Variants in GPR158 observed in about 807,000 individuals in gnomAD.
GPR158 encodes metabotropic glycine receptor.
A neutral mutation model predicts 78.2 loss-of-function variants in GPR158; 30 were observed. That is an observed-to-expected ratio of 0.38 (90% CI 0.29 to 0.52). The LOEUF is 0.52. GPR158 is among the 20% of genes least tolerant of loss of function. GPR158 has a pLI of 0.83. For synonymous variants in GPR158, 581 were observed against 591.1 expected, an observed-to-expected ratio of 0.98 and a Z score of 0.25; for missense variants, 1,463 against 1,523.5, an observed-to-expected ratio of 0.96 and a Z score of 0.66.
chr10:25,430,825 C>T (rs1834892098), intron 4 of GPR158, among the ~76,000 whole-genome samples: 1 of 151,516 alleles, frequency 6.6e-6, no homozygotes, highest in Middle Eastern at 3.4e-3. Flanking sequence ...AAAGCTGAAA[C>T]TGGATCCCTT....
At chr10:25,421,776 C>G (rs1275889520) in intron 4 of GPR158, among the ~76,000 whole-genome samples, 3 of 151,860 alleles carry the variant, frequency 2.0e-5, no homozygotes, top group African/African-American at 7.3e-5. Context: ...AAATTTGGTG[C>G]TTTTATTTTT....
At chr10:25,563,371 A>G (rs1321182436) in intron 6 of GPR158, among the ~76,000 whole-genome samples, 3 of 152,168 alleles carry the variant, frequency 2.0e-5, no homozygotes, top group Non-Finnish European at 2.9e-5. Context: ...TAGAAAACAT[A>G]TAGTTGGATC....
At chr10:25,450,586 A>G (rs1338410842) in intron 4 of GPR158, among the ~76,000 whole-genome samples, 1 of 151,984 alleles carries the variant, frequency 6.6e-6, no homozygotes, top group Non-Finnish European at 1.5e-5. Context: ...CCCTAGAGAC[A>G]ATTTAGAGAT....
intron 7 of GPR158, among the ~76,000 whole-genome samples, chr10:25,580,692 C>T (rs1225028647): frequency 6.6e-6 from 1 of 152,068 alleles, no homozygotes; most frequent in Non-Finnish European, 1.5e-5. Context: ...TTAATGCACA[C>T]TGCATTACTT....
intron 5 of GPR158, among the ~76,000 whole-genome samples, chr10:25,488,074 TTTTC>T (rs1173497348): frequency 1.3e-5 from 2 of 152,134 alleles, no homozygotes; most frequent in Non-Finnish European, 2.9e-5. Flanking sequence ...GGCTAAATTT[TTTTC>T]TTTCTTTCTC....
At chr10:25,538,233 G>GT (rs1836526067) in intron 5 of GPR158, among the ~76,000 whole-genome samples, 2 of 151,772 alleles carry the variant, frequency 1.3e-5, no homozygotes, top group African/African-American at 4.8e-5. Flanking sequence ...TGTTGTTGTT[G>GT]TTTTGCTTTT....
chr10:25,520,436 G>A (rs553175683), intron 5 of GPR158, among the ~76,000 whole-genome samples: 33 of 150,510 alleles, frequency 2.2e-4, no homozygotes, highest in African/African-American at 8.0e-4. Flanking sequence ...TTCCTTTGGA[G>A]GAGGAGAGGC....
chr10:25,186,152 T>G (rs1588723806), intron 1 of GPR158, among the ~76,000 whole-genome samples: 1 of 152,248 alleles, frequency 6.6e-6, no homozygotes, highest in Admixed American at 6.5e-5. Context: ...AAGGCAGAAA[T>G]AAAGATGTTC....
intron 2 of GPR158, among the ~76,000 whole-genome samples, chr10:25,254,341 G>A (rs79280907): frequency 0.019 from 2,891 of 152,236 alleles, 74 homozygotes; most frequent in South Asian, 0.058. Flanking sequence ...ATACTTTAAG[G>A]GAGAGTTTAT....
At chr10:25,584,075 T>G (rs1291118197) in intron 7 of GPR158, among the ~76,000 whole-genome samples, 1 of 152,138 alleles carries the variant, frequency 6.6e-6, no homozygotes, top group African/African-American at 2.4e-5. Flanking sequence ...TAGTTAACTT[T>G]TAAACTGAGT....
intron 1 of GPR158, among the ~76,000 whole-genome samples, chr10:25,189,787 T>TAA (rs151230094): frequency 2.3e-5 from 3 of 130,530 alleles, no homozygotes; most frequent in Non-Finnish European, 3.3e-5. Context: ...AAGTATAATT[T>TAA]AAAAAAAAAA....
chr10:25,238,540 T>G (rs775139080), intron 2 of GPR158, among the ~76,000 whole-genome samples: 5 of 152,346 alleles, frequency 3.3e-5, no homozygotes, highest in African/African-American at 7.2e-5. Context: ...TTAGTGTGGT[T>G]TATTGAGCAT....
At chr10:25,569,919 G>A (rs1836982603) in intron 6 of GPR158, among the ~76,000 whole-genome samples, 1 of 152,304 alleles carries the variant, frequency 6.6e-6, no homozygotes, top group East Asian at 1.9e-4. Context: ...ACATATGGCT[G>A]TCACTATATA....
At chr10:25,541,901 G>C (rs1564484642) in intron 5 of GPR158, among the ~76,000 whole-genome samples, 1 of 145,910 alleles carries the variant, frequency 6.9e-6, no homozygotes, top group Non-Finnish European at 1.5e-5. Context: ...TGACTAGGAA[G>C]CAGGGGGAAA....
chr10:25,354,490 A>G (rs1855520549), intron 2 of GPR158, among the ~76,000 whole-genome samples: 1 of 152,032 alleles, frequency 6.6e-6, no homozygotes. Context: ...CTTTGTCTCA[A>G]TTTACATATT....
chr10:25,527,581 G>A (rs1836367248), intron 5 of GPR158, among the ~76,000 whole-genome samples: 1 of 152,092 alleles, frequency 6.6e-6, no homozygotes, highest in Non-Finnish European at 1.5e-5. Context: ...TGCAGCCAAA[G>A]CAGTGTTTAT....
At chr10:25,550,108 C>T (rs1836709094) in intron 5 of GPR158, among the ~76,000 whole-genome samples, 1 of 152,140 alleles carries the variant, frequency 6.6e-6, no homozygotes, top group Non-Finnish European at 1.5e-5. Flanking sequence ...AGTGGAGTGT[C>T]TTGCACGTTA....
intron 3 of GPR158, among the ~76,000 whole-genome samples, chr10:25,401,390 C>G (rs1012686945): frequency 6.6e-6 from 1 of 152,062 alleles, no homozygotes; most frequent in African/African-American, 2.4e-5. Context: ...GTTTTTGCCT[C>G]AGTAATTTGC....
intron 2 of GPR158, among the ~76,000 whole-genome samples, chr10:25,264,219 A>G (rs183149689): frequency 6.6e-6 from 1 of 152,304 alleles, no homozygotes; most frequent in East Asian, 1.9e-4. Flanking sequence ...CAATAGAATA[A>G]GACCAGATTG....
Sources: allele counts gnomAD v4.1 joint callset (sites outside exome capture counted in the v4.1 genomes callset), GRCh38; gene constraint gnomAD v4.1.1; transcripts MANE v1.5; gene names NCBI Gene and HGNC (gene_info 2026-07-23, HGNC 2026-07-21).